The following UBOX5 variants were observed in gnomAD, a reference collection of about 807,000 sequenced individuals.
The protein encoded by UBOX5 is RING finger protein 37.
Under a neutral mutation model 39.0 loss-of-function variants are expected in UBOX5, and 28 were observed. That is an observed-to-expected ratio of 0.72 (90% CI 0.53 to 0.98). The LOEUF is 0.98. UBOX5 is among the 50% of genes least tolerant of loss of function. UBOX5 has a pLI of 0.00. For synonymous variants in UBOX5, 283 were observed against 275.5 expected (o/e 1.03, Z -0.27); for missense variants, 585 against 674.4 (o/e 0.87, Z 1.47).
At chr20:3,110,434 GTCCA>G in intron 4 of UBOX5, 120 bp from the exon 5 acceptor site, 6 of 1,141,718 alleles carry the variant, frequency 5.3e-6, no homozygotes, top group Non-Finnish European at 7.7e-6. Context: ...TCCCTCCCGA[GTCCA>G]TCCCAGTCTG....
Position 3,109,956 on chromosome 20 carries a change from C to CACGG in UBOX5, c.*149_*150insCCGT. The CACGG allele has an allele frequency of 2.3e-6, 2 of 861,954 alleles. No homozygotes were observed. The highest frequency in any genetic ancestry group is 3.6e-6 in the Non-Finnish European group (2 of 554,280). The allele number at this position is 861,954 out of a possible 1,614,324, so 53.4% of individuals were successfully genotyped here. A position where few individuals can be genotyped will look rare whatever the true frequency, so the allele number is the denominator to read the frequency against. On this transcript the variant is annotated 3_prime_UTR_variant, in exon 5 of 5. Coordinates refer to ENST00000217173, the MANE Select transcript of UBOX5 (RefSeq NM_014948.4). ...TTGCCACCAGCGCAGAAGCAATGTG[C>CACGG]TATACCGTGAGGTGATGAAGAAGAG...
Position 3,121,398 on chromosome 20 carries a change from A to C in UBOX5, c.1241T>G (p.Met414Arg). The C allele has an allele frequency of 6.2e-7, 1 of 1,612,530 alleles. No homozygotes were observed. Among genetic ancestry groups the C allele is most frequent in the Non-Finnish European group, 8.5e-7 (1 of 1,179,118 alleles). Residue 414 changes from methionine (M) to arginine (R), a missense_variant, in exon 3 of 5, where the codon ATG becomes AGG. By Grantham distance (91) the Met-to-Arg change is moderately conservative. Coordinates refer to ENST00000217173, the MANE Select transcript of UBOX5 (RefSeq NM_014948.4). ...KATNEPSLTHMDCSTGPLSHE... is the reference protein window; with the variant it reads ...KATNEPSLTHRDCSTGPLSHE... ...TGCTGAATTACCTGTCGAGCAGTCC[A>C]TATGTGTCAGGCTGGGCTCATTGGT...
Position 3,135,280 on chromosome 20 carries a change from G to A in UBOX5, c.-41-11874C>T, listed in dbSNP as rs533342449. The stretch of plus-strand genomic sequence containing the variant: ...TGATCTCATGGACAACTCTGAAGAG[G>A]GACAGACACTCCATATTAATGCTAC... On this transcript the variant is annotated intron_variant, in intron 1 of 4. Coordinates refer to ENST00000217173, the MANE Select transcript of UBOX5 (RefSeq NM_014948.4). Among the ~76,000 whole-genome samples, 3 of 152,028 alleles carry A rather than the reference G, an allele frequency of 2.0e-5. No individual in the cohort carries two copies. The South Asian group carries it at 6.2e-4, about 32-fold the overall frequency.
At position 3,121,549 on chromosome 20, in the gene UBOX5, T is replaced by A; in HGVS notation, c.1090A>T (p.Arg364Trp). Reference protein sequence around the residue: ...PSSIVLPSQKRKIEQAEHVPD... With the variant: ...PSSIVLPSQKWKIEQAEHVPD... ...ACATGTTCAGCCTGCTCTATCTTCCTTTTCTGAGAGGGCAGAACAATGGAA... is the reference window on the plus strand; with the variant it reads ...ACATGTTCAGCCTGCTCTATCTTCCATTTCTGAGAGGGCAGAACAATGGAA... The change falls in exon 3 of 5, where the codon AGG becomes TGG. Residue 364 changes from arginine to tryptophan, a missense_variant. Arg to Trp is a moderately radical substitution (Grantham distance 101). Coordinates refer to ENST00000217173, the MANE Select transcript of UBOX5 (RefSeq NM_014948.4). The A allele has an allele frequency of 1.9e-6, 3 of 1,611,228 alleles. No individual in the cohort carries two copies. The highest frequency in any genetic ancestry group is 2.5e-6 in the Non-Finnish European group (3 of 1,178,638).
At chr20:3,135,956 CAG>C (rs1462374060) in intron 1 of UBOX5, 2 of 152,156 alleles carry the variant, frequency 1.3e-5, no homozygotes, top group East Asian at 1.9e-4. Context: ...GTGGGTGGAT[CAG>C]AGAGAGAAAT....
chr20:3,139,564 G>T (rs2066499170), intron 1 of UBOX5, among the ~76,000 whole-genome samples: 1 of 144,842 alleles, frequency 6.9e-6, no homozygotes, highest in South Asian at 2.2e-4. Flanking sequence ...TAATTTTTTT[G>T]TATTTTTAGT....
rs185083970 is a variant in UBOX5 at position 3,113,101 on chromosome 20, C to T, written c.1417+2204G>A. 7.7e-3 allele frequency among the ~76,000 whole-genome samples: 1,114 copies of T among 143,806 alleles called. 18 individuals carry two copies. Among genetic ancestry groups the T allele is most frequent in the African/African-American group, 0.028 (1,058 of 38,026 alleles). 94.3% of individuals were successfully genotyped at this position (143,806 alleles called of 152,430 possible). The stretch of plus-strand genomic sequence containing the variant: ...CCAGCCTGGCCAACATGGCGAAACG[C>T]TGTCTCTACTAAATATACAAAAAAA... On this transcript the variant is annotated intron_variant, in intron 4 of 4. Transcript: ENST00000217173.
Position 3,121,877 on chromosome 20 carries a change from C to T in UBOX5, c.762G>A (p.Glu254=), listed in dbSNP as rs772492772. 2 of 1,614,010 alleles carry T rather than the reference C, an allele frequency of 1.2e-6. No homozygotes were observed. The highest frequency in any genetic ancestry group is 2.2e-5 in the South Asian group (2 of 91,084). The part of the protein sequence containing the change: ...QAPSSLQKLA[E]IIQDVPEEFL... ...ACTCCTCAGGCACATCCTGAATGAT[C>T]TCGGCCAGCTTCTGCAGGCTGGAGG... The change falls in exon 3 of 5, where the codon GAG becomes GAA. Residue 254 remains glutamate, a synonymous_variant. Transcript: ENST00000217173.
intron 4 of UBOX5, among the ~76,000 whole-genome samples, chr20:3,112,553 G>C (rs1321857323): frequency 1.3e-5 from 2 of 152,146 alleles, no homozygotes; most frequent in African/African-American, 4.8e-5. Flanking sequence ...GCTTTGAAAA[G>C]GGTGGGCTAA....
In UBOX5 at chr20:3,108,327, C is replaced by T. The variant is rs1420538116; in HGVS notation, c.*1779G>A. The stretch of plus-strand genomic sequence containing the variant: ...TTTGCCATGTTGGCCAGGCTGGTCT[C>T]GAACTCTTGACCTCAAGTGATCCAC... On this transcript the variant is annotated 3_prime_UTR_variant, in exon 5 of 5. Coordinates refer to ENST00000217173, the MANE Select transcript of UBOX5 (RefSeq NM_014948.4). 6.6e-6 allele frequency: 1 copy of T among 152,276 alleles called. No individual in the cohort carries two copies. The highest frequency in any genetic ancestry group is 2.4e-5 in the African/African-American group (1 of 41,450). The allele number at this position is 152,276 out of a possible 1,614,324, so 9.4% of individuals were successfully genotyped here.
At position 3,145,567 on chromosome 20, in the gene UBOX5, T is replaced by C. The variant is rs114382009; in HGVS notation, c.-42+14199A>G. Among the ~76,000 whole-genome samples the C allele has an allele frequency of 4.9e-3, 748 of 151,906 alleles. 5 individuals are homozygous for C. Among genetic ancestry groups the C allele is most frequent in the African/African-American group, 0.017 (712 of 41,400 alleles). ...AGATCCTCCCACCCAGCCTCCTGAG[T>C]AGCTAGGACTGCGGGGGCACACCAC... On this transcript the variant is annotated intron_variant, in intron 1 of 4. Coordinates refer to ENST00000217173, the MANE Select transcript of UBOX5 (RefSeq NM_014948.4).
At chr20:3,145,788 G>C (rs2066555982) in intron 1 of UBOX5, among the ~76,000 whole-genome samples, 2 of 152,164 alleles carry the variant, frequency 1.3e-5, no homozygotes, top group Admixed American at 1.3e-4. Flanking sequence ...GCTCATGCCT[G>C]TAATCCCAGC....
rs1257120489 is a variant in UBOX5 at position 3,145,440 on chromosome 20, CCTT to C, written c.-42+14323_-42+14325del. 6.1e-4 allele frequency among the ~76,000 whole-genome samples: 87 copies of C among 142,280 alleles called. 5 individuals carry two copies. Among genetic ancestry groups the C allele is most frequent in the Non-Finnish European group, 7.0e-4 (46 of 65,576 alleles). 93.3% of individuals were successfully genotyped at this position (142,280 alleles called of 152,430 possible). ...GAGTCACCACACTTGGCCTTTTTTT[CCTT>C]TTTTTTTTTTTTTTGAGTTAGGGTC... On this transcript the variant is annotated intron_variant, in intron 1 of 4. Coordinates refer to ENST00000217173, the MANE Select transcript of UBOX5 (RefSeq NM_014948.4).
intron 1 of UBOX5, among the ~76,000 whole-genome samples, chr20:3,155,085 AAAG>A (rs2122128641): frequency 6.6e-6 from 1 of 151,668 alleles, no homozygotes; most frequent in Non-Finnish European, 1.5e-5. Flanking sequence ...AAAGAAAAGA[AAAG>A]AAAAAATAAA....
chr20:3,124,589 C>T (rs1044976177), intron 1 of UBOX5, among the ~76,000 whole-genome samples: 1 of 151,064 alleles, frequency 6.6e-6, no homozygotes, highest in African/African-American at 2.5e-5. Flanking sequence ...CACCCATTGT[C>T]TGGGATGTGA....
intron 2 of UBOX5, 31 bp from the exon 3 acceptor site, chr20:3,122,615 G>A (rs1307005389): frequency 2.0e-6 from 3 of 1,522,946 alleles, no homozygotes; most frequent in Admixed American, 4.4e-5. Context: ...AAGATACAAT[G>A]ATCCAAATGA....
At chr20:3,156,013 T>A (rs1188572463) in intron 1 of UBOX5, among the ~76,000 whole-genome samples, 1 of 151,846 alleles carries the variant, frequency 6.6e-6, no homozygotes, top group African/African-American at 2.4e-5. Context: ...AGAAGAACAG[T>A]AGGGAGAAAA....
intron 4 of UBOX5, among the ~76,000 whole-genome samples, chr20:3,114,792 CAA>C (rs1170133311): frequency 2.6e-5 from 4 of 151,794 alleles, no homozygotes; most frequent in African/African-American, 9.7e-5. Flanking sequence ...ACTAAAAATA[CAA>C]AAAATTAGCC....
chr20:3,148,301 T>C (rs1457038370), intron 1 of UBOX5: 1 of 1,613,184 alleles, frequency 6.2e-7, no homozygotes, highest in African/African-American at 1.3e-5. Flanking sequence ...CCTAGGTACT[T>C]TGCGGCCTAA....
Sources: allele counts gnomAD v4.1 joint callset (sites outside exome capture counted in the v4.1 genomes callset), GRCh38; gene constraint gnomAD v4.1.1; transcripts MANE v1.5; gene names NCBI Gene and HGNC (gene_info 2026-07-23, HGNC 2026-07-21).